C7orf78: variants seen among roughly 807,000 people sequenced by gnomAD.
C7orf78 encodes putative uncharacterized protein C7orf78.
the C7orf78 span, among the ~76,000 whole-genome samples, chr7:12,509,053 C>T: frequency 6.6e-6 from 1 of 152,154 alleles, no homozygotes; most frequent in South Asian, 2.1e-4. Flanking sequence ...AACCATCTCC[C>T]CATCCTTCCT....
At chr7:12,540,685 T>C in the C7orf78 span, among the ~76,000 whole-genome samples, 946 of 152,272 alleles carry the variant, frequency 6.2e-3, 10 homozygotes, top group Middle Eastern at 0.01. Flanking sequence ...GCCAACAGAG[T>C]ATAGTTCTAC....
chr7:12,488,288 C>T, the C7orf78 span, among the ~76,000 whole-genome samples: 4 of 152,034 alleles, frequency 2.6e-5, no homozygotes, highest in Admixed American at 6.6e-5. Context: ...TTAGTAACTT[C>T]AAGACAGTAC....
At chr7:12,492,860 G>C in the C7orf78 span, among the ~76,000 whole-genome samples, 187 of 152,268 alleles carry the variant, frequency 1.2e-3, 1 homozygote, top group Non-Finnish European at 2.4e-3. Context: ...CTTTAGGAAA[G>C]AAAAATGTGT....
chr7:12,534,120 G>A, the C7orf78 span, among the ~76,000 whole-genome samples: 1 of 152,124 alleles, frequency 6.6e-6, no homozygotes, highest in Non-Finnish European at 1.5e-5. Flanking sequence ...TAAATATGCT[G>A]TGTTGGATCT....
the C7orf78 span, among the ~76,000 whole-genome samples, chr7:12,535,050 T>C: frequency 6.6e-6 from 1 of 150,416 alleles, no homozygotes; most frequent in African/African-American, 2.4e-5. Context: ...GATCTCTAAA[T>C]GACAAAACAT....
chr7:12,511,042 C>G, the C7orf78 span, among the ~76,000 whole-genome samples: 1 of 152,054 alleles, frequency 6.6e-6, no homozygotes, highest in Non-Finnish European at 1.5e-5. Flanking sequence ...AGTCTTTAAT[C>G]CATCTGGAGT....
the C7orf78 span, chr7:12,483,668 G>A: frequency 2.1e-5 from 3 of 146,272 alleles, no homozygotes; most frequent in African/African-American, 7.6e-5. Context: ...AGCAGTTCGA[G>A]ACCAGCCTGA....
At chr7:12,503,213 C>T in the C7orf78 span, among the ~76,000 whole-genome samples, 4 of 113,226 alleles carry the variant, frequency 3.5e-5, no homozygotes, top group African/African-American at 7.0e-5. Flanking sequence ...TGCACATGTA[C>T]CCTAAAACTT....
the C7orf78 span, among the ~76,000 whole-genome samples, chr7:12,525,154 A>G: frequency 6.6e-6 from 1 of 152,134 alleles, no homozygotes; most frequent in Admixed American, 6.6e-5. Flanking sequence ...TTAAGAATAT[A>G]ACCCTGTTTA....
At chr7:12,520,383 C>A in the C7orf78 span, among the ~76,000 whole-genome samples, 1 of 152,224 alleles carries the variant, frequency 6.6e-6, no homozygotes, top group East Asian at 1.9e-4. Flanking sequence ...TTGCTGTAAA[C>A]TTCCTTCTTA....
At chr7:12,512,631 T>C in the C7orf78 span, among the ~76,000 whole-genome samples, 1 of 152,214 alleles carries the variant, frequency 6.6e-6, no homozygotes, top group Non-Finnish European at 1.5e-5. Context: ...TCATCAGGAA[T>C]ATTGGACTAC....
chr7:12,510,344 C>G, the C7orf78 span, among the ~76,000 whole-genome samples: 1 of 152,030 alleles, frequency 6.6e-6, no homozygotes, highest in Non-Finnish European at 1.5e-5. Flanking sequence ...GCCACCATGC[C>G]TGGCTAATTT....
the C7orf78 span, among the ~76,000 whole-genome samples, chr7:12,484,514 T>G: frequency 6.6e-6 from 1 of 152,242 alleles, no homozygotes; most frequent in East Asian, 1.9e-4. Context: ...GTCATTATTT[T>G]AGTAGAAAAT....
chr7:12,507,974 TACTC>T, the C7orf78 span, among the ~76,000 whole-genome samples: 1 of 152,200 alleles, frequency 6.6e-6, no homozygotes, highest in African/African-American at 2.4e-5. Context: ...TTACAAAAAG[TACTC>T]ACTCTCTTCT....
At chr7:12,503,439 ATAT>A in the C7orf78 span, among the ~76,000 whole-genome samples, 3 of 151,996 alleles carry the variant, frequency 2.0e-5, no homozygotes, top group African/African-American at 4.8e-5. Flanking sequence ...TACTGATAAA[ATAT>A]TATGATGCTT....
the C7orf78 span, among the ~76,000 whole-genome samples, chr7:12,536,122 G>A: frequency 6.6e-6 from 1 of 152,166 alleles, no homozygotes; most frequent in African/African-American, 2.4e-5. Flanking sequence ...CTGTGTGGGG[G>A]CTCCCACAGC....
At chr7:12,498,673 C>T in the C7orf78 span, among the ~76,000 whole-genome samples, 1 of 151,882 alleles carries the variant, frequency 6.6e-6, no homozygotes, top group South Asian at 2.1e-4. Context: ...GGATATTATC[C>T]AGGAGAATTT....
the C7orf78 span, among the ~76,000 whole-genome samples, chr7:12,497,368 A>G: frequency 1.4e-4 from 22 of 152,332 alleles, no homozygotes; most frequent in African/African-American, 3.4e-4. Flanking sequence ...GTGAGTGCGC[A>G]CACCGTGCGC....
At chr7:12,514,066 G>T in the C7orf78 span, among the ~76,000 whole-genome samples, 1 of 152,122 alleles carries the variant, frequency 6.6e-6, no homozygotes, top group Non-Finnish European at 1.5e-5. Context: ...TTCTGTAAAT[G>T]CCTGTTAGGT....
Sources: gnomAD v4.1 joint callset for allele counts (sites outside exome capture counted in the v4.1 genomes callset) on GRCh38, gnomAD v4.1.1 for gene constraint, MANE v1.5 for transcripts, NCBI Gene and HGNC (gene_info 2026-07-23, HGNC 2026-07-21) for gene names.